CDK19: variants seen among roughly 807,000 people sequenced by gnomAD.
CDK19 encodes cyclin dependent kinase 19.
In CDK19, 20 loss-of-function variants were observed where a neutral mutation model predicts 68.3. The observed-to-expected ratio is 0.29, with a 90% CI of 0.21 to 0.43. The LOEUF (loss-of-function observed/expected upper bound fraction) is 0.43. CDK19 is among the 20% of genes least tolerant of loss of function. CDK19 has a pLI of 1.00. For missense variants in CDK19, 339 were observed against 623.5 expected (o/e 0.54, Z 4.86); for synonymous variants, 221 against 222.8 (o/e 0.99, Z 0.07).
intron 6 of CDK19, among the ~76,000 whole-genome samples, chr6:110,628,450 A>AT (rs1248117114): frequency 6.6e-6 from 1 of 152,230 alleles, no homozygotes; most frequent in Non-Finnish European, 1.5e-5. Flanking sequence ...ATTGTGTACC[A>AT]TTCTGAGCAG....
intron 1 of CDK19, among the ~76,000 whole-genome samples, chr6:110,769,577 A>T (rs1986218): frequency 0.25 from 36,846 of 145,782 alleles, 4,946 homozygotes; most frequent in East Asian, 0.39. Flanking sequence ...AAAAAAAAAA[A>T]AATAATAATA....
rs544346916 is a variant in CDK19, at chr6:110,810,887, A to T, written c.128+4122T>A. On this transcript the variant is annotated intron_variant, in intron 1 of 12. Transcript: ENST00000368911. The stretch of plus-strand genomic sequence containing the variant: ...ATATGTGATAATTTCCCTTTTCCAT[A>T]TTTTTTTTTGGTATAAATGCACTTT... Among the ~76,000 whole-genome samples, 3 of 151,088 alleles carry T rather than the reference A, an allele frequency of 2.0e-5. No homozygotes were observed. The East Asian group carries it at 5.8e-4, about 29-fold the overall frequency.
intron 9 of CDK19, 95 bp downstream of exon 9, chr6:110,623,195 A>T (rs1778823205): frequency 3.6e-5 from 37 of 1,016,414 alleles, no homozygotes; most frequent in Non-Finnish European, 5.6e-5. Flanking sequence ...GCATCCACTA[A>T]TTTCTTTTGT....
chr6:110,773,393 G>A (rs1460921859), intron 1 of CDK19, among the ~76,000 whole-genome samples: 1 of 151,838 alleles, frequency 6.6e-6, no homozygotes, highest in Non-Finnish European at 1.5e-5. Context: ...TAGCATATTG[G>A]AAACTAACAT....
chr6:110,727,008 G>A (rs1776361657), intron 2 of CDK19, among the ~76,000 whole-genome samples: 1 of 152,054 alleles, frequency 6.6e-6, no homozygotes, highest in Non-Finnish European at 1.5e-5. Context: ...TTCTGTCAGA[G>A]AATAATATTT....
chr6:110,621,009 T>C lies in CDK19; in HGVS notation c.1377+95A>G. 1.7e-6 allele frequency: 2 copies of C among 1,185,728 alleles called. No homozygotes were observed. Among genetic ancestry groups the C allele is most frequent in the South Asian group, 1.5e-5 (1 of 67,274 alleles). 73.5% of individuals were successfully genotyped at this position (1,185,728 alleles called of 1,614,324 possible). ...CTAGAAACAGGATTGCACAGTCAAA[T>C]GTAAGAGTTAAGTGTTACTTAACTC... On this transcript the variant is annotated intron_variant, in intron 12 of 12. Coordinates refer to ENST00000368911, the MANE Select transcript of CDK19 (RefSeq NM_015076.5). This position sits in a 1 kb window ranked among gnomAD's most constrained non-coding sequence, Gnocchi z 5.4.
intron 4 of CDK19, among the ~76,000 whole-genome samples, chr6:110,655,081 C>T (rs1337381237): frequency 2.6e-5 from 4 of 151,914 alleles, no homozygotes; most frequent in African/African-American, 4.8e-5. Context: ...CAAAAATCCT[C>T]GATAGGCCGG....
At chr6:110,699,265 A>C (rs1243969849) in intron 2 of CDK19, among the ~76,000 whole-genome samples, 1 of 151,888 alleles carries the variant, frequency 6.6e-6, no homozygotes, top group Non-Finnish European at 1.5e-5. Flanking sequence ...TCTCTACTAA[A>C]AATACAAAAA....
At chr6:110,794,337 G>A (rs192720676) in intron 1 of CDK19, among the ~76,000 whole-genome samples, 9 of 151,332 alleles carry the variant, frequency 5.9e-5, no homozygotes, top group Admixed American at 1.3e-4. Context: ...GAGCGACCGC[G>A]CCTGGCCTGT....
intron 4 of CDK19, among the ~76,000 whole-genome samples, chr6:110,653,858 A>T (rs548854208): frequency 1.8e-4 from 28 of 152,320 alleles, no homozygotes; most frequent in Non-Finnish European, 7.4e-5. Flanking sequence ...ACAGGGTTAA[A>T]TATATTTCAG....
chr6:110,675,627 CA>C (rs57966061), intron 2 of CDK19, among the ~76,000 whole-genome samples: 1,149 of 56,528 alleles, frequency 0.02, 8 homozygotes, highest in African/African-American at 0.063. Flanking sequence ...GACTCCATCT[CA>C]AAAAAAAAAA....
intron 1 of CDK19, among the ~76,000 whole-genome samples, chr6:110,790,426 T>C (rs1039043530): frequency 6.6e-6 from 1 of 152,048 alleles, no homozygotes; most frequent in Admixed American, 6.5e-5. Flanking sequence ...TCCCAGCTAC[T>C]GGGGAGGCTG....
intron 4 of CDK19, among the ~76,000 whole-genome samples, chr6:110,657,431 T>C (rs78080281): frequency 0.027 from 4,142 of 152,308 alleles, 81 homozygotes; most frequent in South Asian, 0.083. Context: ...GCTAGTCTAA[T>C]AGAATACCTG....
chr6:110,645,473 T>C (rs1157483853), intron 4 of CDK19, among the ~76,000 whole-genome samples: 1 of 152,178 alleles, frequency 6.6e-6, no homozygotes, highest in African/African-American at 2.4e-5. Flanking sequence ...CTGAGAATAA[T>C]GAGTTATGTG....
chr6:110,646,307 C>A lies in CDK19; in HGVS notation c.457-7601G>T, dbSNP rs1469861106. On this transcript the variant is annotated intron_variant, in intron 4 of 12. Transcript: ENST00000368911. ...ACATGTGCAAGCACAAGGTGCTCAG[C>A]GACTACCTGCGCGAACGGGCCCACG... 4 of 1,494,460 alleles carry A rather than the reference C, an allele frequency of 2.7e-6. No homozygotes were observed. The African/African-American group carries it at 4.2e-5, about 16-fold the overall frequency. The allele number at this position is 1,494,460 out of a possible 1,614,324, so 92.6% of individuals were successfully genotyped here.
intron 2 of CDK19, among the ~76,000 whole-genome samples, chr6:110,733,504 T>A (rs1776918891): frequency 6.6e-6 from 1 of 152,206 alleles, no homozygotes; most frequent in Non-Finnish European, 1.5e-5. Flanking sequence ...TAGGTATATG[T>A]ATAAATTCAT....
intron 2 of CDK19, among the ~76,000 whole-genome samples, chr6:110,730,766 T>C (rs748244824): frequency 9.9e-5 from 15 of 152,114 alleles, no homozygotes; most frequent in Non-Finnish European, 2.1e-4. Context: ...AAATTTAGAG[T>C]ATCGGCTGGG....
intron 2 of CDK19, among the ~76,000 whole-genome samples, chr6:110,716,742 T>A (rs1211726732): frequency 1.3e-5 from 2 of 152,204 alleles, no homozygotes; most frequent in East Asian, 3.8e-4. Flanking sequence ...GATCTACGTG[T>A]ATCTCTACTC....
chr6:110,798,715 C>T (rs1240710319), intron 1 of CDK19, among the ~76,000 whole-genome samples: 5 of 149,510 alleles, frequency 3.3e-5, no homozygotes, highest in African/African-American at 9.8e-5. Context: ...GTTTTGAATG[C>T]TGAGAAAAAA....
Sources: gnomAD v4.1 joint callset for allele counts (sites outside exome capture counted in the v4.1 genomes callset) on GRCh38, gnomAD v4.1.1 for gene constraint, Gnocchi (gnomAD v3.1) non-coding constraint, MANE v1.5 for transcripts, NCBI Gene and HGNC (gene_info 2026-07-23, HGNC 2026-07-21) for gene names.